Variants in FOCAD observed in about 807,000 individuals in gnomAD.
The protein encoded by FOCAD is KIAA1797.
A neutral mutation model predicts 225.6 loss-of-function variants in FOCAD; 198 were observed. That is an observed-to-expected ratio of 0.88 (90% CI 0.78 to 0.99). FOCAD has a LOEUF of 0.99. Ranked by LOEUF, FOCAD falls within the 50% of genes least tolerant of loss-of-function variation. The probability of loss-of-function intolerance (pLI) is 0.00; values close to 1 mark genes in which losing one functional copy is unlikely to be tolerated. For synonymous variants in FOCAD, 897 were observed against 755.0 expected (o/e 1.19, Z -3.08); for missense variants, 2,713 against 2,123.6 (o/e 1.28, Z -5.46).
At chr9:20,944,136 C>T (rs1168344240) in intron 28 of FOCAD, among the ~76,000 whole-genome samples, 1 of 152,166 alleles carries the variant, frequency 6.6e-6, no homozygotes. Context: ...ACATGAAACA[C>T]TTAGTAGTAC....
At chr9:20,972,885 T>TGC (rs1169214203) in intron 35 of FOCAD, among the ~76,000 whole-genome samples, 1 of 152,102 alleles carries the variant, frequency 6.6e-6, no homozygotes, top group Non-Finnish European at 1.5e-5. Context: ...ATGCTGACTT[T>TGC]CCTTTATTCT....
rs184953763 is a variant in FOCAD at position 20,695,449 on chromosome 9, T to C, written c.-33+11156T>C. Among the ~76,000 whole-genome samples, 19 of 152,308 alleles carry C rather than the reference T, an allele frequency of 1.2e-4. No individual in the cohort carries two copies. In the East Asian group the frequency reaches 3.3e-3, roughly 26 times the overall value. On this transcript the variant is annotated intron_variant, in intron 1 of 43. Coordinates refer to ENST00000338382, the MANE Select transcript of FOCAD (RefSeq NM_001375567.1). Reference sequence around the variant, plus strand: ...GTAACTTCATATTGGTAAAGATTTTTCTTAAGCCCGTAAACATGCTTTCAT... The same window carrying C: ...GTAACTTCATATTGGTAAAGATTTTCCTTAAGCCCGTAAACATGCTTTCAT...
chr9:20,730,177 T>C (rs1826562465), intron 4 of FOCAD, among the ~76,000 whole-genome samples: 1 of 152,212 alleles, frequency 6.6e-6, no homozygotes, highest in African/African-American at 2.4e-5. Flanking sequence ...GAGGACATAG[T>C]ATCTGATTGT....
intron 6 of FOCAD, among the ~76,000 whole-genome samples, chr9:20,759,029 A>G (rs1587049099): frequency 6.6e-6 from 1 of 152,152 alleles, no homozygotes; most frequent in East Asian, 1.9e-4. Context: ...TGCTTCAAAG[A>G]GAATAAAATA....
chr9:20,865,066 G>A (rs138439694), intron 16 of FOCAD, among the ~76,000 whole-genome samples: 12 of 152,110 alleles, frequency 7.9e-5, no homozygotes, highest in African/African-American at 2.4e-4. Context: ...CTTTGTTTTC[G>A]CATTATACCA....
chr9:20,906,893 C>G (rs1336676820), intron 21 of FOCAD, among the ~76,000 whole-genome samples: 1 of 152,054 alleles, frequency 6.6e-6, no homozygotes, highest in East Asian at 1.9e-4. Flanking sequence ...TACATTTTAA[C>G]TTGTTATTAT....
intron 35 of FOCAD, among the ~76,000 whole-genome samples, chr9:20,968,182 T>C (rs1466038737): frequency 1.3e-5 from 2 of 152,122 alleles, no homozygotes; most frequent in African/African-American, 2.4e-5. Flanking sequence ...TCAGTTTTGA[T>C]AATTTGTGTG....
chr9:20,704,985 C>T (rs117700376), intron 1 of FOCAD, among the ~76,000 whole-genome samples: 5 of 152,086 alleles, frequency 3.3e-5, no homozygotes, highest in African/African-American at 4.8e-5. Flanking sequence ...TACTCTGGAG[C>T]GAGACTACTT....
intron 43 of FOCAD, 83 bp downstream of exon 43, chr9:20,993,411 C>A: frequency 8.6e-7 from 1 of 1,164,486 alleles, no homozygotes; most frequent in Non-Finnish European, 1.3e-6. Flanking sequence ...CTAGTGGTTG[C>A]AGGTTGAGTA....
At chr9:20,701,037 C>T (rs1014228568) in intron 1 of FOCAD, among the ~76,000 whole-genome samples, 2 of 152,114 alleles carry the variant, frequency 1.3e-5, no homozygotes, top group African/African-American at 4.8e-5. Flanking sequence ...GAAACTAGGC[C>T]CTTCAGAATG....
intron 4 of FOCAD, among the ~76,000 whole-genome samples, chr9:20,722,069 T>G (rs1825831914): frequency 7.0e-6 from 1 of 142,114 alleles, no homozygotes; most frequent in Non-Finnish European, 1.5e-5. Context: ...TTTCTCTGTT[T>G]CCTTTCTGAC....
intron 20 of FOCAD, among the ~76,000 whole-genome samples, 180 bp downstream of exon 20, chr9:20,882,236 G>C (rs1218961256): frequency 6.6e-6 from 1 of 152,186 alleles, no homozygotes; most frequent in East Asian, 1.9e-4. Flanking sequence ...AAGACAAATA[G>C]ATGGATTTAA....
intron 28 of FOCAD, among the ~76,000 whole-genome samples, chr9:20,941,264 C>A (rs1244649771): frequency 6.6e-6 from 1 of 152,234 alleles, no homozygotes; most frequent in Non-Finnish European, 1.5e-5. Flanking sequence ...TAAGATTTTA[C>A]TGCCATCTAG....
chr9:20,684,210 C>A (rs1401761308), upstream of FOCAD: 2 of 152,330 alleles, frequency 1.3e-5, no homozygotes, highest in Non-Finnish European at 2.9e-5. Flanking sequence ...CTCTCTCCTG[C>A]AGTCCCCGCC....
rs554506367 is a variant in FOCAD, at chr9:20,782,656, C to G, written c.1197+727C>G. 5.8e-4 allele frequency among the ~76,000 whole-genome samples: 88 copies of G among 152,286 alleles called. 2 individuals are homozygous for G. The South Asian group carries it at 0.016, about 28-fold the overall frequency. ...AATGAAACATTATTTCCCAGCTCCT[C>G]TTATGGGGATGAAATGAGGATTGAA... On this transcript the variant is annotated intron_variant, in intron 10 of 43. Coordinates refer to ENST00000338382, the MANE Select transcript of FOCAD (RefSeq NM_001375567.1).
chr9:20,975,492 C>A (rs746318616), intron 35 of FOCAD, among the ~76,000 whole-genome samples: 1 of 152,124 alleles, frequency 6.6e-6, no homozygotes, highest in African/African-American at 2.4e-5. Flanking sequence ...CAGTCTAGGA[C>A]TACAGAGACT....
chr9:20,658,774 G>C (rs1821607637), exon 2 of FOCAD: 1 of 157,480 alleles, frequency 6.4e-6, no homozygotes, highest in South Asian at 2.0e-4. Context: ...GACCGGAGCT[G>C]TTCCTATTCG....
chr9:20,879,149 A>G (rs10964746), intron 19 of FOCAD, among the ~76,000 whole-genome samples: 12 of 152,284 alleles, frequency 7.9e-5, no homozygotes, highest in African/African-American at 2.6e-4. Flanking sequence ...CCAAGTTGAC[A>G]CTTAAGTTCA....
At chr9:20,815,116 T>A (rs1239610478) in intron 11 of FOCAD, among the ~76,000 whole-genome samples, 6 of 138,666 alleles carry the variant, frequency 4.3e-5, no homozygotes, top group African/African-American at 1.6e-4. Flanking sequence ...TATCATTACT[T>A]CTCTTTGTTT....
Sources: allele counts gnomAD v4.1 joint callset (sites outside exome capture counted in the v4.1 genomes callset), GRCh38; gene constraint gnomAD v4.1.1; transcripts MANE v1.5; gene names NCBI Gene and HGNC (gene_info 2026-07-23, HGNC 2026-07-21).